The following OR56A4 variants were observed in gnomAD, a reference collection of about 807,000 sequenced individuals.
The protein encoded by OR56A4 is olfactory receptor 56A4.
OR56A4 carries 9 observed loss-of-function variants against 13.6 expected under a neutral mutation model. The ratio of observed to expected loss-of-function variants is 0.66; its 90% confidence interval spans 0.40 to 1.15. The LOEUF is 1.15. Ranked by LOEUF, OR56A4 falls within the 50% of genes most tolerant of loss-of-function variation. The pLI is 0.01. For missense variants in OR56A4, 380 were observed against 375.9 expected (o/e 1.01, Z -0.09); for synonymous variants, 167 against 153.9 (o/e 1.08, Z -0.63).
intron 2 of OR56A4, chr11:6,003,248 A>G (rs776429925): frequency 9.8e-6 from 7 of 716,918 alleles, no homozygotes; most frequent in Non-Finnish European, 1.5e-5. Flanking sequence ...GGAGTAATTA[A>G]TATTGTTATC....
Position 6,000,833 on chromosome 11 carries a change from G to A in OR56A4, c.*1218C>T, listed in dbSNP as rs1185418269. 2 of 152,188 alleles carry A rather than the reference G, an allele frequency of 1.3e-5. No homozygotes were observed. Among genetic ancestry groups the A allele is most frequent in the African/African-American group, 4.8e-5 (2 of 41,434 alleles). 9.4% of individuals were successfully genotyped at this position (152,188 alleles called of 1,614,324 possible). A position where few individuals can be genotyped will look rare whatever the true frequency, so the allele number is the denominator to read the frequency against. Reference sequence around the variant, plus strand: ...GAAAGTATGTTAGGGCTAGAATATAGCAGGTCTGTAATAAAAAATGCTGTA... The same window carrying A: ...GAAAGTATGTTAGGGCTAGAATATAACAGGTCTGTAATAAAAAATGCTGTA... On this transcript the variant is annotated 3_prime_UTR_variant, in exon 3 of 3. Transcript: ENST00000641156.
chr11:6,003,227 A>G, intron 2 of OR56A4, 199 bp from the exon 3 acceptor site: 1 of 894,504 alleles, frequency 1.1e-6, no homozygotes, highest in Non-Finnish European at 1.7e-6. Flanking sequence ...CATCCTTTTA[A>G]AAAATACTAA....
At chr11:6,003,365 C>T (rs1005503596) in intron 2 of OR56A4, among the ~76,000 whole-genome samples, 8 of 152,154 alleles carry the variant, frequency 5.3e-5, no homozygotes, top group African/African-American at 9.7e-5. Context: ...TATTGTTGTG[C>T]GTTTATATGA....
rs961519110 is a variant in OR56A4 at position 6,000,151 on chromosome 11, G to A, written c.*1900C>T. The A allele has an allele frequency of 6.6e-6, 1 of 152,192 alleles. No homozygotes were observed. The highest frequency in any genetic ancestry group is 1.5e-5 in the Non-Finnish European group (1 of 68,046). The allele number at this position is 152,192 out of a possible 1,614,324, so 9.4% of individuals were successfully genotyped here. A position where few individuals can be genotyped will look rare whatever the true frequency, so the allele number is the denominator to read the frequency against. On this transcript the variant is annotated 3_prime_UTR_variant, in exon 3 of 3. Coordinates refer to ENST00000641156, the MANE Select transcript of OR56A4 (RefSeq NM_001005179.4). Reference sequence around the variant, plus strand: ...GGATTATAAATCATGCTGCTATAAAGACACATGCACATGTATGTTTATTGC... The same window carrying A: ...GGATTATAAATCATGCTGCTATAAAAACACATGCACATGTATGTTTATTGC...
At position 6,003,078 on chromosome 11, in the gene OR56A4, G is replaced by A. The variant is rs116472611; in HGVS notation, c.-36-50C>T. On this transcript the variant is annotated intron_variant, in intron 2 of 2. Coordinates refer to ENST00000641156, the MANE Select transcript of OR56A4 (RefSeq NM_001005179.4). ...GAAACATAAAAAGTACATTCTAGACGTAGTAGAGTGTGGGTTTCCACTGAG... is the reference window on the plus strand; with the variant it reads ...GAAACATAAAAAGTACATTCTAGACATAGTAGAGTGTGGGTTTCCACTGAG... 1.3e-3 allele frequency: 2,099 copies of A among 1,609,470 alleles called. 40 individuals are homozygous for A. In the South Asian group the frequency reaches 0.019, roughly 15 times the overall value.
rs762673544 is a variant in OR56A4 at position 6,003,010 on chromosome 11, A to G, written c.-18T>C. 2.5e-6 allele frequency: 4 copies of G among 1,614,068 alleles called. No homozygotes were observed. In the East Asian group the frequency reaches 8.9e-5, roughly 36 times the overall value. On this transcript the variant is annotated 5_prime_UTR_variant, in exon 3 of 3. Transcript: ENST00000641156. ...GATGCCATGTAAAGTTTCCTGATCAATCTGGAGACCCAGTGTACCTTAAAA... is the reference window on the plus strand; with the variant it reads ...GATGCCATGTAAAGTTTCCTGATCAGTCTGGAGACCCAGTGTACCTTAAAA...
rs1171534865 is a variant in OR56A4 at position 6,000,620 on chromosome 11, AT to A, written c.*1430del. On this transcript the variant is annotated 3_prime_UTR_variant, in exon 3 of 3. Transcript: ENST00000641156. ...CTAAAACTTAAAACATAATAAAAAA[AT>A]AAAAAATAAAAAAACCTGGTAGGAA... is the stretch of plus-strand genomic sequence containing the variant. The A allele has an allele frequency of 6.6e-6, 1 of 152,236 alleles. No individual in the cohort carries two copies. Among genetic ancestry groups the A allele is most frequent in the Admixed American group, 6.5e-5 (1 of 15,278 alleles). The allele number at this position is 152,236 out of a possible 1,614,324, so 9.4% of individuals were successfully genotyped here.
chr11:6,001,912 T>G lies in OR56A4; in HGVS notation c.*139A>C. On this transcript the variant is annotated 3_prime_UTR_variant, in exon 3 of 3. Coordinates refer to ENST00000641156, the MANE Select transcript of OR56A4 (RefSeq NM_001005179.4). ...ACAAATAAATGTGTTCATTGTTGCC[T>G]GAGATATTGAGAACAGAAGAATCCG... The G allele has an allele frequency of 2.7e-6, 2 of 749,322 alleles. No homozygotes were observed. Among genetic ancestry groups the G allele is most frequent in the Non-Finnish European group, 2.0e-6 (1 of 492,076 alleles). The allele number at this position is 749,322 out of a possible 1,614,324, so 46.4% of individuals were successfully genotyped here.
chr11:6,001,523 G>A lies in OR56A4; in HGVS notation c.*528C>T, dbSNP rs1257256267. The A allele has an allele frequency of 6.6e-6, 1 of 152,614 alleles. No individual in the cohort carries two copies. Among genetic ancestry groups the A allele is most frequent in the Non-Finnish European group, 1.5e-5 (1 of 68,382 alleles). The allele number at this position is 152,614 out of a possible 1,614,324, so 9.5% of individuals were successfully genotyped here. A position where few individuals can be genotyped will look rare whatever the true frequency, so the allele number is the denominator to read the frequency against. On this transcript the variant is annotated 3_prime_UTR_variant, in exon 3 of 3. Coordinates refer to ENST00000641156, the MANE Select transcript of OR56A4 (RefSeq NM_001005179.4). ...AGTGAATAGCACATCTGCCTCAGGT[G>A]CCATGGAAGAGAGTCGGGGTATTCA...
rs756758807 is a variant in OR56A4 at position 6,002,420 on chromosome 11, A to G, written c.573T>C (p.Ser191=). Residue 191 remains serine (S), a synonymous_variant, in exon 3 of 3, where the codon TCT becomes TCC. Transcript: ENST00000641156. The stretch of plus-strand genomic sequence containing the variant: ...GCTGATTGAAAGTGATGTCATCACA[A>G]GAGAGTTTGGACACAGACAGGTTAC... ...ICSNLSVSKL[S]CDDITFNQLY... 6.2e-7 allele frequency: 1 copy of G among 1,614,258 alleles called. No individual in the cohort carries two copies. The highest frequency in any genetic ancestry group is 8.5e-7 in the Non-Finnish European group (1 of 1,180,038).
At chr11:6,004,340 G>A (rs1227458725) in intron 2 of OR56A4, among the ~76,000 whole-genome samples, 1 of 152,000 alleles carries the variant, frequency 6.6e-6, no homozygotes, top group Non-Finnish European at 1.5e-5. Context: ...GCAACAAAAT[G>A]AGACTCCATC....
intron 2 of OR56A4, among the ~76,000 whole-genome samples, chr11:6,005,944 A>G (rs1848255276): frequency 6.6e-6 from 1 of 152,222 alleles, no homozygotes; most frequent in South Asian, 2.1e-4. Context: ...AGATAGGTCA[A>G]AGGCGAATCG....
At position 6,006,316 on chromosome 11, in the gene OR56A4, T is replaced by G. The variant is rs931739893; in HGVS notation, c.-104A>C. 3 of 152,222 alleles carry G rather than the reference T, an allele frequency of 2.0e-5. No homozygotes were observed. Among genetic ancestry groups the G allele is most frequent in the Non-Finnish European group, 4.4e-5 (3 of 68,038 alleles). The allele number at this position is 152,222 out of a possible 1,614,324, so 9.4% of individuals were successfully genotyped here. On this transcript the variant is annotated 5_prime_UTR_variant, in exon 2 of 3. Transcript: ENST00000641156. Reference sequence around the variant, plus strand: ...AATTTTCCTTAGTGAAATTGAGGCCTCCTAATCTGAGAAATGAAGAATTGT... The same window carrying G: ...AATTTTCCTTAGTGAAATTGAGGCCGCCTAATCTGAGAAATGAAGAATTGT...
intron 2 of OR56A4, among the ~76,000 whole-genome samples, chr11:6,004,789 A>G (rs1848245100): frequency 1.3e-5 from 2 of 152,196 alleles, no homozygotes; most frequent in African/African-American, 4.8e-5. Context: ...AATAATCTCA[A>G]GTATAGCTAC....
At position 6,001,314 on chromosome 11, in the gene OR56A4, A is replaced by T. The variant is rs970372967; in HGVS notation, c.*737T>A. ...AGATGAAGATGATGAAGAAAAGAAC[A>T]TACAGCACTTCAAACAGTACAACTC... On this transcript the variant is annotated 3_prime_UTR_variant, in exon 3 of 3. Transcript: ENST00000641156. 3.3e-5 allele frequency: 5 copies of T among 152,270 alleles called. No individual in the cohort carries two copies. Among genetic ancestry groups the T allele is most frequent in the African/African-American group, 9.6e-5 (4 of 41,456 alleles). 9.4% of individuals were successfully genotyped at this position (152,270 alleles called of 1,614,324 possible). A position where few individuals can be genotyped will look rare whatever the true frequency, so the allele number is the denominator to read the frequency against.
rs2133571771 is a variant in OR56A4 at position 6,001,897 on chromosome 11, GT to G, written c.*153del. ...AGAAAACAAAGATTCACAAATAAAT[GT>G]GTTCATTGTTGCCTGAGATATTGAG... is the stretch of plus-strand genomic sequence containing the variant. On this transcript the variant is annotated 3_prime_UTR_variant, in exon 3 of 3. Transcript: ENST00000641156. 7.8e-6 allele frequency: 5 copies of G among 643,686 alleles called. No homozygotes were observed. The South Asian group carries it at 1.7e-4, about 22-fold the overall frequency. The allele number at this position is 643,686 out of a possible 1,614,324, so 39.9% of individuals were successfully genotyped here.
In OR56A4 at chr11:6,006,264, T is replaced by C. The variant is rs1458828531; in HGVS notation, c.-52A>G. 1.3e-5 allele frequency: 2 copies of C among 152,246 alleles called. No individual in the cohort carries two copies. Among genetic ancestry groups the C allele is most frequent in the African/African-American group, 2.4e-5 (1 of 41,454 alleles). 9.4% of individuals were successfully genotyped at this position (152,246 alleles called of 1,614,324 possible). ...TCATAGTTACCTTGTAATTCCTTAA[T>C]AGCTGGAATGATTTTTCCTCCCTCT... On this transcript the variant is annotated 5_prime_UTR_variant, in exon 2 of 3. Transcript: ENST00000641156.
rs1447267930 is a variant in OR56A4, at chr11:6,002,576, G to A, written c.417C>T (p.Ile139=). The part of the protein sequence containing the change: ...ICHPLRYPSI[I]TDQFVARAVV... ...CGGCCCTAGCCACAAACTGGTCAGT[G>A]ATGATAGACGGGTATCTCAATGGAT... Residue 139 remains isoleucine, a synonymous_variant, in exon 3 of 3, where the codon ATC becomes ATT. Coordinates refer to ENST00000641156, the MANE Select transcript of OR56A4 (RefSeq NM_001005179.4). 3.1e-6 allele frequency: 5 copies of A among 1,614,128 alleles called. No homozygotes were observed. The highest frequency in any genetic ancestry group is 4.2e-6 in the Non-Finnish European group (5 of 1,180,038).
chr11:6,004,484 G>C (rs1188298331), intron 2 of OR56A4, among the ~76,000 whole-genome samples: 1 of 152,234 alleles, frequency 6.6e-6, no homozygotes, highest in Non-Finnish European at 1.5e-5. Context: ...GAAGATATTA[G>C]AAGACTTTAG....
Sources: gnomAD v4.1 joint callset for allele counts (sites outside exome capture counted in the v4.1 genomes callset) on GRCh38, gnomAD v4.1.1 for gene constraint, MANE v1.5 for transcripts, NCBI Gene and HGNC (gene_info 2026-07-23, HGNC 2026-07-21) for gene names.